Variants in HHLA1 observed in about 807,000 individuals in gnomAD.
HHLA1 encodes the protein HERV-H LTR-associating protein 1.
HHLA1 carries 72 observed loss-of-function variants against 69.9 expected under a neutral mutation model. That is an observed-to-expected ratio of 1.03 (90% CI 0.85 to 1.25). HHLA1 has a LOEUF of 1.25. Ranked by LOEUF, HHLA1 falls within the 50% of genes most tolerant of loss-of-function variation. The pLI is 0.00. For synonymous variants in HHLA1, 252 were observed against 233.2 expected (o/e 1.08, Z -0.73); for missense variants, 685 against 642.2 (o/e 1.07, Z -0.72).
At position 132,084,771 on chromosome 8, in the gene HHLA1, G is replaced by A. The variant is rs59335377; in HGVS notation, c.676+2882C>T. 7.1e-3 allele frequency among the ~76,000 whole-genome samples: 1,074 copies of A among 151,866 alleles called. 11 individuals carry two copies. The highest frequency in any genetic ancestry group is 0.025 in the African/African-American group (1,024 of 41,342). ...GACTTGAGACACAGAGAAGGGGTGG[G>A]GGTGGTGGTTCTTGCCCTCCAGAAA... On this transcript the variant is annotated intron_variant, in intron 10 of 16. Transcript: ENST00000414222.
chr8:132,102,035 T>C (rs1322692967), intron 3 of HHLA1, among the ~76,000 whole-genome samples: 5 of 152,240 alleles, frequency 3.3e-5, no homozygotes, highest in South Asian at 2.1e-4. Context: ...AGCACCTTTC[T>C]ATTCTCTGCT....
At position 132,105,195 on chromosome 8, in the gene HHLA1, CA is replaced by C; in HGVS notation, c.70del (p.Trp24GlyfsTer17). ...CMGLACVLSL[W>X]NTVSGIKGEA... ...ACTCCAGCTAGACCCACCTGTGTTC[CA>C]AAGGGACAAGACACATGCCAGGCCC... On this transcript the variant is annotated frameshift_variant, in exon 2 of 17. Transcript: ENST00000414222. LOFTEE classifies it high-confidence loss of function. 6.4e-7 allele frequency: 1 copy of C among 1,551,796 alleles called. No homozygotes were observed. The highest frequency in any genetic ancestry group is 1.7e-4 in the Middle Eastern group (1 of 5,994).
intron 1 of HHLA1, among the ~76,000 whole-genome samples, chr8:132,108,225 A>G (rs985183418): frequency 2.6e-5 from 4 of 152,244 alleles, no homozygotes; most frequent in African/African-American, 9.6e-5. Context: ...TGTAGCGGAC[A>G]GTGTCTGGCA....
intron 11 of HHLA1, among the ~76,000 whole-genome samples, 200 bp from the exon 12 acceptor site, chr8:132,078,171 AACACACACACACACACACACACAC>A (rs34612835): frequency 6.9e-6 from 1 of 144,394 alleles, no homozygotes; most frequent in Admixed American, 6.9e-5. Context: ...AGCACCAATA[AACACACACACACACACACACACAC>A]ACACACACAC....
intron 14 of HHLA1, 55 bp downstream of exon 14, chr8:132,076,000 T>C (rs1455484337): frequency 1.6e-6 from 2 of 1,275,396 alleles, no homozygotes; most frequent in Non-Finnish European, 2.2e-6. Flanking sequence ...TTCTACTACA[T>C]GACCTTGTTC....
intron 1 of HHLA1, among the ~76,000 whole-genome samples, chr8:132,110,537 G>A (rs188289332): frequency 1.9e-3 from 285 of 152,288 alleles, no homozygotes; most frequent in African/African-American, 6.7e-3. Flanking sequence ...TAACCCATTG[G>A]TCCTTCAAGC....
At position 132,065,808 on chromosome 8, in the gene HHLA1, G is replaced by A. The variant is rs1310863477; in HGVS notation, c.1552+78C>T. On this transcript the variant is annotated intron_variant, in intron 16 of 16. Coordinates refer to ENST00000414222, the MANE Select transcript of HHLA1 (RefSeq NM_001145095.3). Reference sequence around the variant, plus strand: ...GCTACAGCATTCCAAAGACATCTGGGAATCACTCAGATTTACAGGACCCTT... The same window carrying A: ...GCTACAGCATTCCAAAGACATCTGGAAATCACTCAGATTTACAGGACCCTT... 1.6e-5 allele frequency: 10 copies of A among 615,346 alleles called. No homozygotes were observed. In the East Asian group the frequency reaches 6.0e-4, roughly 37 times the overall value. The allele number at this position is 615,346 out of a possible 1,614,324, so 38.1% of individuals were successfully genotyped here.
At chr8:132,082,894 G>C (rs1355341067) in intron 10 of HHLA1, among the ~76,000 whole-genome samples, 1 of 151,912 alleles carries the variant, frequency 6.6e-6, no homozygotes, top group Non-Finnish European at 1.5e-5. Flanking sequence ...ATTGTAAGGA[G>C]AGTTTATAGG....
rs1272601955 is a variant in HHLA1 at position 132,079,922 on chromosome 8, T to C, written c.721A>G (p.Lys241Glu). The C allele has an allele frequency of 1.3e-6, 2 of 1,552,228 alleles. No homozygotes were observed. Among genetic ancestry groups the C allele is most frequent in the African/African-American group, 2.7e-5 (2 of 73,050 alleles). The change falls in exon 11 of 17, where the codon AAA becomes GAA. Residue 241 changes from lysine to glutamate, a missense_variant. Physicochemically the swap from Lys to Glu is moderately conservative, Grantham distance 56. Transcript: ENST00000414222. ...GTACTTGGTAGTGTTTTCTGGCTTT[T>C]GGTTGTGGGCTTTGAAGTCCTGGCA... ...GTARTSKPTTKSQKTLPSTSP... is the reference protein window; with the variant it reads ...GTARTSKPTTESQKTLPSTSP...
chr8:132,081,561 G>C (rs1027256806), intron 10 of HHLA1, among the ~76,000 whole-genome samples: 2 of 152,178 alleles, frequency 1.3e-5, no homozygotes, highest in Non-Finnish European at 2.9e-5. Flanking sequence ...AGGCTCATCT[G>C]TTATCAGACT....
rs561194841 is a variant in HHLA1, at chr8:132,101,010, T to C, written c.140-876A>G. ...ATTAAATTAAATGAGACAAGCAACA[T>C]ATCTTATTGGGGTCACAGAGAGGTT... On this transcript the variant is annotated intron_variant, in intron 3 of 16. Coordinates refer to ENST00000414222, the MANE Select transcript of HHLA1 (RefSeq NM_001145095.3). 8.5e-5 allele frequency among the ~76,000 whole-genome samples: 13 copies of C among 152,274 alleles called. No individual in the cohort carries two copies. In the South Asian group the frequency reaches 2.7e-3, roughly 32 times the overall value.
chr8:132,088,002 A>C, intron 8 of HHLA1, 101 bp from the exon 9 acceptor site: 1 of 835,322 alleles, frequency 1.2e-6, no homozygotes, highest in Middle Eastern at 3.3e-4. Flanking sequence ...AACTTAGGAT[A>C]ATATAGGAAA....
At chr8:132,091,192 A>G (rs1823941145) in intron 7 of HHLA1, among the ~76,000 whole-genome samples, 1 of 152,230 alleles carries the variant, frequency 6.6e-6, no homozygotes, top group Admixed American at 6.5e-5. Context: ...TACACTTACC[A>G]GGTACTGGAG....
chr8:132,090,749 C>CTT (rs1563746503), intron 7 of HHLA1, among the ~76,000 whole-genome samples: 3 of 34,290 alleles, frequency 8.7e-5, no homozygotes, highest in African/African-American at 1.8e-4. Flanking sequence ...CACCCTCTTT[C>CTT]TCTCTCTTTT....
chr8:132,077,346 G>A (rs1823662434), intron 12 of HHLA1, among the ~76,000 whole-genome samples: 1 of 152,188 alleles, frequency 6.6e-6, no homozygotes, highest in Non-Finnish European at 1.5e-5. Context: ...GAGTCTAGAG[G>A]AGGAAGGTGG....
chr8:132,091,868 G>A (rs780174749), intron 7 of HHLA1, among the ~76,000 whole-genome samples: 1 of 152,124 alleles, frequency 6.6e-6, no homozygotes, highest in Non-Finnish European at 1.5e-5. Flanking sequence ...TTCCCTGTCA[G>A]CCAACAATTC....
intron 14 of HHLA1, among the ~76,000 whole-genome samples, chr8:132,075,142 G>A (rs527627777): frequency 6.6e-6 from 1 of 152,172 alleles, no homozygotes; most frequent in Non-Finnish European, 1.5e-5. Context: ...TCACATCTTT[G>A]TGTCTGAAAG....
chr8:132,089,951 A>G lies in HHLA1; in HGVS notation c.449-352T>C, dbSNP rs987079711. Among the ~76,000 whole-genome samples the G allele has an allele frequency of 3.3e-4, 51 of 152,292 alleles. 1 individual carries two copies. The highest frequency in any genetic ancestry group is 1.2e-3 in the African/African-American group (50 of 41,562). ...TTCGTCTAATTGTTTTTAGAATGCC[A>G]ACTCCATCTGATAGGAAGCAGCCCC... On this transcript the variant is annotated intron_variant, in intron 7 of 16. Coordinates refer to ENST00000414222, the MANE Select transcript of HHLA1 (RefSeq NM_001145095.3).
chr8:132,105,275 A>G lies in HHLA1; in HGVS notation c.-10T>C, dbSNP rs1032674846. 4.5e-6 allele frequency: 7 copies of G among 1,550,758 alleles called. No individual in the cohort carries two copies. In the African/African-American group the frequency reaches 6.8e-5, roughly 15 times the overall value. ...ACAGGAAGCCCAGCATGCTTGTGAT[A>G]CTCTGGCCCACCTGGAATGAAGCAA... On this transcript the variant is annotated 5_prime_UTR_variant, in exon 2 of 17. Transcript: ENST00000414222.
Sources: gnomAD v4.1 joint callset for allele counts (sites outside exome capture counted in the v4.1 genomes callset) on GRCh38, gnomAD v4.1.1 for gene constraint, MANE v1.5 for transcripts, NCBI Gene and HGNC (gene_info 2026-07-23, HGNC 2026-07-21) for gene names.